KIF13A: variants seen among roughly 807,000 people sequenced by gnomAD.
The protein encoded by KIF13A is kinesin family member 13A.
In KIF13A, 79 loss-of-function variants were observed where a neutral mutation model predicts 212.2. That is an observed-to-expected ratio of 0.37 (90% confidence interval 0.31 to 0.45). KIF13A has a LOEUF of 0.45. KIF13A is among the 20% of genes least tolerant of loss of function. KIF13A has a pLI of 1.00. For synonymous variants in KIF13A, 789 were observed against 808.6 expected, an observed-to-expected ratio of 0.98 and a Z score of 0.41; for missense variants, 1,901 against 2,209.0, an observed-to-expected ratio of 0.86 and a Z score of 2.79.
chr6:17,962,381 CT>C (rs1778902188), intron 2 of KIF13A, among the ~76,000 whole-genome samples: 1 of 151,910 alleles, frequency 6.6e-6, no homozygotes, highest in Non-Finnish European at 1.5e-5. Flanking sequence ...AAAGGTCAAG[CT>C]TTTGCTGCAA....
intron 2 of KIF13A, among the ~76,000 whole-genome samples, chr6:17,904,421 T>C (rs1425749061): frequency 6.6e-6 from 1 of 152,080 alleles, no homozygotes; most frequent in South Asian, 2.1e-4. Context: ...TGAGCCGAGA[T>C]TGCACCACTG....
chr6:17,907,709 G>C (rs1278592571), intron 2 of KIF13A, among the ~76,000 whole-genome samples: 1 of 152,144 alleles, frequency 6.6e-6, no homozygotes, highest in African/African-American at 2.4e-5. Flanking sequence ...CAAATCCTAG[G>C]CAGAAGGACA....
Position 17,900,364 on chromosome 6 carries a change from G to T in KIF13A, c.147-2184C>A, listed in dbSNP as rs1483993149. 1.3e-5 allele frequency among the ~76,000 whole-genome samples: 2 copies of T among 152,110 alleles called. No individual in the cohort carries two copies. The highest frequency in any genetic ancestry group is 2.9e-5 in the Non-Finnish European group (2 of 68,016). On this transcript the variant is annotated intron_variant, in intron 2 of 38. Transcript: ENST00000259711. The surrounding 1 kb of genome is among the most constrained non-coding windows in gnomAD (Gnocchi z 4.6). The stretch of plus-strand genomic sequence containing the variant: ...CCTTTCTTCATTGACATTCCAAGAA[G>T]GTTTTCTTCATTCTTCTTAGAAAAC...
rs200460268 is a variant in KIF13A at position 17,781,329 on chromosome 6, C to T, written c.3545-28G>A. On this transcript the variant is annotated intron_variant, in intron 29 of 38. Coordinates refer to ENST00000259711, the MANE Select transcript of KIF13A (RefSeq NM_022113.6). The stretch of plus-strand genomic sequence containing the variant: ...AACCACATCAGGAGCACAGAAAAAA[C>T]AGTAGGGGAAAGTCAGTTTTTAAGC... 9.8e-6 allele frequency: 15 copies of T among 1,533,820 alleles called. No homozygotes were observed. The East Asian group carries it at 3.5e-4, about 36-fold the overall frequency.
At chr6:17,974,514 G>A (rs1336017472) in intron 2 of KIF13A, among the ~76,000 whole-genome samples, 2 of 152,174 alleles carry the variant, frequency 1.3e-5, no homozygotes, top group African/African-American at 4.8e-5. Context: ...AGACACTGTG[G>A]AGCAAAGACA....
chr6:17,827,012 A>G (rs931453327), intron 14 of KIF13A, among the ~76,000 whole-genome samples: 3 of 151,944 alleles, frequency 2.0e-5, no homozygotes, highest in Admixed American at 1.3e-4. Context: ...CAGTGAGCCG[A>G]GATCTTGCCA....
At chr6:17,760,928 C>G, downstream of KIF13A, 1 of 1,601,872 alleles carries the variant, frequency 6.2e-7, no homozygotes, top group Non-Finnish European at 8.5e-7. Context: ...ACCTCCCCAC[C>G]CCACCCACAG....
chr6:17,901,967 T>C (rs1468248202), intron 2 of KIF13A, among the ~76,000 whole-genome samples: 1 of 152,128 alleles, frequency 6.6e-6, no homozygotes, highest in Non-Finnish European at 1.5e-5. Flanking sequence ...ACTGCACTCC[T>C]GCCTGGGTGA....
Position 17,772,184 on chromosome 6 carries a change from G to T in KIF13A, c.4325-125C>A. 1 of 912,748 alleles carries T rather than the reference G, an allele frequency of 1.1e-6. No individual in the cohort carries two copies. Among genetic ancestry groups the T allele is most frequent in the Non-Finnish European group, 1.7e-6 (1 of 600,142 alleles). 56.5% of individuals were successfully genotyped at this position (912,748 alleles called of 1,614,324 possible). A position where few individuals can be genotyped will look rare whatever the true frequency, so the allele number is the denominator to read the frequency against. On this transcript the variant is annotated intron_variant, in intron 36 of 38. Transcript: ENST00000259711. The surrounding 1 kb of genome is among the most constrained non-coding windows in gnomAD (Gnocchi z 4.8). ...CAATGAAATTCATAGGCTAATATTT[G>T]GCTAAGCATTAAAACAGATGTATGC...
At chr6:17,873,275 A>G (rs542982624) in intron 4 of KIF13A, 102 bp downstream of exon 4, 3 of 771,542 alleles carry the variant, frequency 3.9e-6, no homozygotes, top group Non-Finnish European at 6.3e-6. Flanking sequence ...ACAGGTGTGA[A>G]TTACACAGGG....
chr6:17,983,754 C>T (rs958227981), intron 2 of KIF13A, among the ~76,000 whole-genome samples: 1 of 152,122 alleles, frequency 6.6e-6, no homozygotes, highest in Admixed American at 6.5e-5. Flanking sequence ...TCCCAAAGTG[C>T]TGGGATTACA....
intron 2 of KIF13A, among the ~76,000 whole-genome samples, chr6:17,920,347 G>A (rs1581734190): frequency 6.6e-6 from 1 of 152,148 alleles, no homozygotes; most frequent in African/African-American, 2.4e-5. Flanking sequence ...AGGATAGGAA[G>A]AACACTTTTT....
chr6:17,800,878 C>T (rs1252302975), intron 20 of KIF13A, among the ~76,000 whole-genome samples: 2 of 151,014 alleles, frequency 1.3e-5, no homozygotes, highest in African/African-American at 4.9e-5. Context: ...GGATTACAAT[C>T]ATAAGCCACC....
rs377555914 is a variant in KIF13A, at chr6:17,916,824, C to T, written c.147-18644G>A. Among the ~76,000 whole-genome samples the T allele has an allele frequency of 2.6e-4, 39 of 152,260 alleles. No individual in the cohort carries two copies. In the South Asian group the frequency reaches 3.1e-3, roughly 12 times the overall value. ...CAAGTGGCATTAAACTTTGCAGATTCTCCTATTAATATAACCCTGAGTATT... is the reference window on the plus strand; with the variant it reads ...CAAGTGGCATTAAACTTTGCAGATTTTCCTATTAATATAACCCTGAGTATT... On this transcript the variant is annotated intron_variant, in intron 2 of 38. Coordinates refer to ENST00000259711, the MANE Select transcript of KIF13A (RefSeq NM_022113.6).
At chr6:17,782,921 T>G (rs1020749764) in intron 29 of KIF13A, among the ~76,000 whole-genome samples, 1 of 152,328 alleles carries the variant, frequency 6.6e-6, no homozygotes, top group South Asian at 2.1e-4. Flanking sequence ...GGGAACTCAC[T>G]ATCTTATGAG....
At position 17,854,543 on chromosome 6, in the gene KIF13A, ATAATTTTT is replaced by A. The variant is rs1322199098; in HGVS notation, c.494+886_494+893del. 2.2e-3 allele frequency among the ~76,000 whole-genome samples: 288 copies of A among 131,624 alleles called. 2 individuals are homozygous for A. The highest frequency in any genetic ancestry group is 7.7e-3 in the African/African-American group (267 of 34,846). The allele number at this position is 131,624 out of a possible 152,430, so 86.4% of individuals were successfully genotyped here. ...AAATAGATACTAGTTTTAAATCAGTATAATTTTTTTTTTTTTTTTTTTTTTTTTTTGAG... is the reference window on the plus strand; with the variant it reads ...AAATAGATACTAGTTTTAAATCAGTATTTTTTTTTTTTTTTTTTTTTTGAG... On this transcript the variant is annotated intron_variant, in intron 6 of 38. Transcript: ENST00000259711.
At chr6:17,832,321 C>T (rs1290816272) in intron 12 of KIF13A, among the ~76,000 whole-genome samples, 1 of 151,906 alleles carries the variant, frequency 6.6e-6, no homozygotes, top group Non-Finnish European at 1.5e-5. Context: ...CCTAACAAGC[C>T]CAAAGAATCA....
rs2150324215 is a variant in KIF13A at position 17,794,575 on chromosome 6, T to C, written c.3072A>G (p.Arg1024=). The C allele has an allele frequency of 6.2e-7, 1 of 1,607,530 alleles. No homozygotes were observed. The highest frequency in any genetic ancestry group is 2.2e-5 in the East Asian group (1 of 44,854). ...AAACCCAAAACAAACTCAGTACCTG[T>C]CTAAGTTGAAAGATGCCTCCTGTGT... is the stretch of plus-strand genomic sequence containing the variant. ...DVNTGGIFQL[R]QGHSRRVQVT... Residue 1024 remains arginine (R), a synonymous_variant, in exon 24 of 39, where the codon AGA becomes AGG. Coordinates refer to ENST00000259711, the MANE Select transcript of KIF13A (RefSeq NM_022113.6). The surrounding 1 kb of genome is among the most constrained non-coding windows in gnomAD (Gnocchi z 4.1).
rs1338017805 is a variant in KIF13A at position 17,828,475 on chromosome 6, T to G, written c.1402-105A>C. 1 of 890,774 alleles carries G rather than the reference T, an allele frequency of 1.1e-6. No individual in the cohort carries two copies. Among genetic ancestry groups the G allele is most frequent in the African/African-American group, 1.7e-5 (1 of 59,160 alleles). 55.2% of individuals were successfully genotyped at this position (890,774 alleles called of 1,614,324 possible). On this transcript the variant is annotated intron_variant, in intron 13 of 38. Coordinates refer to ENST00000259711, the MANE Select transcript of KIF13A (RefSeq NM_022113.6). This position sits in a 1 kb window ranked among gnomAD's most constrained non-coding sequence, Gnocchi z 4.3. The stretch of plus-strand genomic sequence containing the variant: ...ACGCAGCAGCATATGCACAAAAATA[T>G]TAAACGAATCCTGCCAGAGATGTTA...
Sources: allele counts gnomAD v4.1 joint callset (sites outside exome capture counted in the v4.1 genomes callset), GRCh38; gene constraint gnomAD v4.1.1; non-coding constraint Gnocchi (gnomAD v3.1); transcripts MANE v1.5; gene names NCBI Gene and HGNC (gene_info 2026-07-23, HGNC 2026-07-21).